ATXN7L1: variants seen among roughly 807,000 people sequenced by gnomAD.
ATXN7L1 encodes ataxin 7 like 1, also known as ataxin-7-like protein 1.
A neutral mutation model predicts 70.8 loss-of-function variants in ATXN7L1; 15 were observed. The ratio of observed to expected loss-of-function variants is 0.21; its 90% CI spans 0.14 to 0.33. The LOEUF is 0.33. ATXN7L1 is among the 10% of genes least tolerant of loss of function. The pLI, the probability that ATXN7L1 is intolerant of heterozygous loss-of-function variation, is 1.00. For missense variants in ATXN7L1, 975 were observed against 1,097.1 expected (o/e 0.89, Z 1.57); for synonymous variants, 440 against 445.1 (o/e 0.99, Z 0.14).
chr7:105,727,820 A>G (rs541410704), intron 3 of ATXN7L1, among the ~76,000 whole-genome samples: 102 of 140,252 alleles, frequency 7.3e-4, no homozygotes, highest in African/African-American at 2.6e-3. Flanking sequence ...ATGAATATAA[A>G]GGCAATGTTA....
chr7:105,836,405 C>T (rs759874755), intron 2 of ATXN7L1, among the ~76,000 whole-genome samples: 52 of 152,092 alleles, frequency 3.4e-4, no homozygotes, highest in Non-Finnish European at 6.5e-4. Flanking sequence ...ACAAATGAGA[C>T]GAATGTGTTA....
At chr7:105,695,920 G>A (rs1355136095) in intron 3 of ATXN7L1, among the ~76,000 whole-genome samples, 2 of 152,180 alleles carry the variant, frequency 1.3e-5, no homozygotes, top group Non-Finnish European at 2.9e-5. Context: ...CAGATGGCCA[G>A]GAGGTTTGCA....
At chr7:105,725,772 G>T (rs1795733875) in intron 3 of ATXN7L1, among the ~76,000 whole-genome samples, 1 of 151,998 alleles carries the variant, frequency 6.6e-6, no homozygotes, top group Non-Finnish European at 1.5e-5. Flanking sequence ...GTAAAGATGG[G>T]GTTTCACCAG....
chr7:105,638,326 G>T, intron 7 of ATXN7L1, 27 bp downstream of exon 7: 2 of 1,537,390 alleles, frequency 1.3e-6, no homozygotes, highest in Non-Finnish European at 1.8e-6. Flanking sequence ...AAGCATTCAG[G>T]GCTTCTATCG....
intron 3 of ATXN7L1, among the ~76,000 whole-genome samples, chr7:105,782,298 T>C (rs1803647301): frequency 6.6e-6 from 1 of 152,200 alleles, no homozygotes; most frequent in Non-Finnish European, 1.5e-5. Context: ...TTGTTTCTGT[T>C]TCCCCCTTTC....
chr7:105,763,955 G>A (rs757818682), intron 3 of ATXN7L1, among the ~76,000 whole-genome samples: 4 of 152,138 alleles, frequency 2.6e-5, no homozygotes, highest in Non-Finnish European at 5.9e-5. Context: ...TCGGGTTCAA[G>A]TGATTCTCCT....
At chr7:105,770,089 G>C (rs374651977) in intron 3 of ATXN7L1, among the ~76,000 whole-genome samples, 3 of 152,242 alleles carry the variant, frequency 2.0e-5, no homozygotes, top group Admixed American at 6.5e-5. Flanking sequence ...TCTGACTGGT[G>C]CATGTAGCAG....
At chr7:105,734,926 A>AT (rs1169332367) in intron 3 of ATXN7L1, among the ~76,000 whole-genome samples, 1 of 152,208 alleles carries the variant, frequency 6.6e-6, no homozygotes, top group Non-Finnish European at 1.5e-5. Flanking sequence ...AGATCTCTCC[A>AT]TAAGCTCTGG....
At chr7:105,775,670 C>T (rs913212443) in intron 3 of ATXN7L1, among the ~76,000 whole-genome samples, 5 of 152,220 alleles carry the variant, frequency 3.3e-5, no homozygotes, top group Non-Finnish European at 5.9e-5. Flanking sequence ...ACAGTGGGCC[C>T]TTCCCATGGC....
chr7:105,811,707 G>A (rs967573376), intron 2 of ATXN7L1, among the ~76,000 whole-genome samples: 4 of 152,146 alleles, frequency 2.6e-5, no homozygotes, highest in Non-Finnish European at 5.9e-5. Context: ...GCCAAGGATT[G>A]AGCCTGGGGC....
chr7:105,840,021 G>C (rs1452295497), intron 2 of ATXN7L1, among the ~76,000 whole-genome samples: 8 of 152,194 alleles, frequency 5.3e-5, no homozygotes, highest in Admixed American at 5.2e-4. Context: ...GAAGTTGCCA[G>C]GTGGACCAAG....
intron 2 of ATXN7L1, among the ~76,000 whole-genome samples, chr7:105,848,981 G>T (rs1426966197): frequency 6.6e-6 from 1 of 152,252 alleles, no homozygotes; most frequent in Admixed American, 6.5e-5. Flanking sequence ...CACCCCAGTG[G>T]ATCACTTGGT....
chr7:105,610,581 G>C lies in ATXN7L1; in HGVS notation c.2495C>G (p.Ala832Gly). 6.4e-7 allele frequency: 1 copy of C among 1,551,424 alleles called. No individual in the cohort carries two copies. The highest frequency in any genetic ancestry group is 8.7e-7 in the Non-Finnish European group (1 of 1,146,946). Residue 832 changes from alanine (A) to glycine (G), a missense_variant, in exon 11 of 12, where the codon GCT (alanine) becomes GGT (glycine). This residue lies in a region of ATXN7L1 where 635 missense variants were observed against 699.4 expected (regional missense o/e 0.91). Transcript: ENST00000419735. The part of the protein sequence containing the change: ...SRQVGKNSSL[A>G]LSQSSPSSIS... ...ACTTGAAGGACTGGATTGTGACAAAGCTAGGCTGCTATTTTTCCCAACCTG... is the reference window on the plus strand; with the variant it reads ...ACTTGAAGGACTGGATTGTGACAAACCTAGGCTGCTATTTTTCCCAACCTG...
chr7:105,831,669 A>C (rs1488573433), intron 2 of ATXN7L1, among the ~76,000 whole-genome samples: 1 of 152,228 alleles, frequency 6.6e-6, no homozygotes, highest in Non-Finnish European at 1.5e-5. Flanking sequence ...AGGAGATGAG[A>C]GTAGACCCAA....
intron 2 of ATXN7L1, among the ~76,000 whole-genome samples, chr7:105,819,081 T>TG (rs1402856522): frequency 1.3e-5 from 2 of 148,810 alleles, no homozygotes; most frequent in Non-Finnish European, 3.0e-5. Context: ...CCCCACCCTG[T>TG]GTCCAAGTGA....
chr7:105,759,484 G>GTGTT (rs1554453051), intron 3 of ATXN7L1, among the ~76,000 whole-genome samples: 17,438 of 135,424 alleles, frequency 0.13, 1,380 homozygotes, highest in African/African-American at 0.17. Context: ...GTGTGTGTGT[G>GTGTT]TGTGTGTATG....
intron 2 of ATXN7L1, among the ~76,000 whole-genome samples, chr7:105,855,425 A>C (rs930124114): frequency 3.9e-5 from 6 of 152,164 alleles, no homozygotes; most frequent in African/African-American, 1.4e-4. Context: ...TTACCATCTA[A>C]TGTATCTGTA....
chr7:105,872,141 T>C (rs991162910), intron 2 of ATXN7L1, among the ~76,000 whole-genome samples: 4 of 152,038 alleles, frequency 2.6e-5, no homozygotes, highest in Admixed American at 2.0e-4. Flanking sequence ...TACAGGTGCG[T>C]GCCACCACGC....
rs184144482 is a variant in ATXN7L1 at position 105,644,321 on chromosome 7, G to C, written c.579-1200C>G. Reference sequence around the variant, plus strand: ...CTGCCCCTTTTATGACTCTGAAATAGGATCCCAGCTGTTTGTTACAGATCT... The same window carrying C: ...CTGCCCCTTTTATGACTCTGAAATACGATCCCAGCTGTTTGTTACAGATCT... On this transcript the variant is annotated intron_variant, in intron 4 of 11. Coordinates refer to ENST00000419735, the MANE Select transcript of ATXN7L1 (RefSeq NM_020725.2). Among the ~76,000 whole-genome samples, 565 of 152,246 alleles carry C rather than the reference G, an allele frequency of 3.7e-3. 3 individuals carry two copies. The highest frequency in any genetic ancestry group is 0.013 in the African/African-American group (552 of 41,540).
Sources: allele counts gnomAD v4.1 joint callset (sites outside exome capture counted in the v4.1 genomes callset), GRCh38; gene constraint gnomAD v4.1.1; regional missense constraint gnomAD v4.1.1; transcripts MANE v1.5; gene names NCBI Gene and HGNC (gene_info 2026-07-23, HGNC 2026-07-21).